The following SLC7A9 variants were observed in gnomAD, a reference collection of about 807,000 sequenced individuals.
SLC7A9 encodes solute carrier family 7 member 9.
SLC7A9 carries 38 observed loss-of-function variants against 54.1 expected under a neutral mutation model. The observed-to-expected ratio is 0.70, with a 90% CI of 0.54 to 0.92. SLC7A9 has a LOEUF of 0.92. Among genes scored for constraint, SLC7A9 ranks in the 40% least tolerant of loss-of-function variants. The probability of loss-of-function intolerance (pLI) is 0.00; values close to 1 mark genes in which losing one functional copy is unlikely to be tolerated. For missense variants in SLC7A9, 537 were observed against 636.1 expected (o/e 0.84, Z 1.68); for synonymous variants, 264 against 258.9 (o/e 1.02, Z -0.19).
At chr19:32,853,077 A>G (rs553411209) in intron 9 of SLC7A9, among the ~76,000 whole-genome samples, 74 of 152,014 alleles carry the variant, frequency 4.9e-4, no homozygotes, top group African/African-American at 1.7e-3. Flanking sequence ...CGTCCGGCTA[A>G]TTTTTGTACT....
Position 32,846,094 on chromosome 19 carries a change from C to T in SLC7A9, c.978-2143G>A, listed in dbSNP as rs113604277. Among the ~76,000 whole-genome samples the T allele has an allele frequency of 2.8e-4, 42 of 152,326 alleles. 1 individual carries two copies. The highest frequency in any genetic ancestry group is 9.1e-4 in the African/African-American group (38 of 41,578). ...GGTCTACAGCTCCCAGCGTGAGCAA[C>T]GCAGAAGACGGGTGATTTCTGCATT... On this transcript the variant is annotated intron_variant, in intron 9 of 12. Transcript: ENST00000023064.
rs780872025 is a variant in SLC7A9 at position 32,862,216 on chromosome 19, T to G, written c.606A>C (p.Gly202=). ...AAGAATTATCAAAATTCTTTGTGTT[T>G]CCTGTAATGAAGCCAGACAGTGAAC... ...IISGLVLLAQ[G]NTKNFDNSFE... The change falls in exon 6 of 13, where the codon GGA becomes GGC. Residue 202 remains glycine (G), a splice_region_variant and synonymous_variant. Coordinates refer to ENST00000023064, the MANE Select transcript of SLC7A9 (RefSeq NM_014270.5). 17 of 1,612,536 alleles carry G rather than the reference T, an allele frequency of 1.1e-5. No individual in the cohort carries two copies. The highest frequency in any genetic ancestry group is 1.7e-5 in the Admixed American group (1 of 59,994).
Position 32,859,086 on chromosome 19 carries a change from C to T in SLC7A9, c.874-543G>A, listed in dbSNP as rs558115017. On this transcript the variant is annotated intron_variant, in intron 8 of 12. Coordinates refer to ENST00000023064, the MANE Select transcript of SLC7A9 (RefSeq NM_014270.5). ...ACAGGCATGAGCCACCATGCCTGGC[C>T]AAATCTTTATTTTTTAATTTGATTT... Among the ~76,000 whole-genome samples the T allele has an allele frequency of 8.7e-4, 131 of 150,130 alleles. 1 individual carries two copies. The highest frequency in any genetic ancestry group is 7.5e-3 in the Middle Eastern group (2 of 266).
At chr19:32,838,492 CAT>C (rs1224745991) in intron 11 of SLC7A9, among the ~76,000 whole-genome samples, 1 of 147,636 alleles carries the variant, frequency 6.8e-6, no homozygotes, top group African/African-American at 2.5e-5. Context: ...ACAATCTATA[CAT>C]ATATAATAGG....
intron 11 of SLC7A9, 25 bp from the exon 12 acceptor site, chr19:32,833,348 G>A (rs1371394489): frequency 3.7e-6 from 6 of 1,612,884 alleles, no homozygotes; most frequent in East Asian, 2.2e-5. Context: ...CAGGTCATGG[G>A]TACCCATTTT....
intron 4 of SLC7A9, among the ~76,000 whole-genome samples, chr19:32,863,495 G>A (rs11668595): frequency 0.097 from 14,794 of 152,058 alleles, 884 homozygotes; most frequent in Middle Eastern, 0.17. Context: ...ACGTAGCTGG[G>A]ACGCCAGGTG....
chr19:32,851,608 T>G (rs1334721775), intron 9 of SLC7A9, among the ~76,000 whole-genome samples: 5 of 151,952 alleles, frequency 3.3e-5, no homozygotes, highest in African/African-American at 1.2e-4. Flanking sequence ...TGGAAGTCAG[T>G]GTGGCGATTC....
In SLC7A9 at chr19:32,868,604, A is replaced by G; in HGVS notation, c.-70T>C. 5.9e-6 allele frequency: 8 copies of G among 1,351,360 alleles called. No individual in the cohort carries two copies. Among genetic ancestry groups the G allele is most frequent in the South Asian group, 4.7e-5 (4 of 85,228 alleles). 83.7% of individuals were successfully genotyped at this position (1,351,360 alleles called of 1,614,324 possible). A position where few individuals can be genotyped will look rare whatever the true frequency, so the allele number is the denominator to read the frequency against. On this transcript the variant is annotated 5_prime_UTR_variant, in exon 2 of 13. Coordinates refer to ENST00000023064, the MANE Select transcript of SLC7A9 (RefSeq NM_014270.5). ...CTAAATCTTGGTTCAGCAGCAGCAGACAAGACGCAAGTGCAAGCTCGGCCT... is the reference window on the plus strand; with the variant it reads ...CTAAATCTTGGTTCAGCAGCAGCAGGCAAGACGCAAGTGCAAGCTCGGCCT...
At position 32,838,732 on chromosome 19, in the gene SLC7A9, AAC is replaced by A. The variant is rs201877157; in HGVS notation, c.1224+3434_1224+3435del. Among the ~76,000 whole-genome samples, 875 of 148,216 alleles carry A rather than the reference AAC, an allele frequency of 5.9e-3. 10 individuals carry two copies. The highest frequency in any genetic ancestry group is 0.02 in the African/African-American group (824 of 40,764). ...TATATGTATATGTATTTGTATGTATAACAGACATGTAATGATACACATATACA... is the reference window on the plus strand; with the variant it reads ...TATATGTATATGTATTTGTATGTATAAGACATGTAATGATACACATATACA... On this transcript the variant is annotated intron_variant, in intron 11 of 12. Coordinates refer to ENST00000023064, the MANE Select transcript of SLC7A9 (RefSeq NM_014270.5).
At chr19:32,835,878 G>A (rs1259865454) in intron 11 of SLC7A9, among the ~76,000 whole-genome samples, 6 of 150,278 alleles carry the variant, frequency 4.0e-5, no homozygotes, top group African/African-American at 1.5e-4. Context: ...CTATTTCTAG[G>A]AATTTATGTA....
At chr19:32,858,787 T>TA (rs1968708364) in intron 8 of SLC7A9, among the ~76,000 whole-genome samples, 1 of 151,774 alleles carries the variant, frequency 6.6e-6, no homozygotes, top group Non-Finnish European at 1.5e-5. Flanking sequence ...TTTATTTATT[T>TA]ATTTATTTAT....
chr19:32,843,565 G>C (rs1328302989), intron 10 of SLC7A9, among the ~76,000 whole-genome samples: 1 of 152,158 alleles, frequency 6.6e-6, no homozygotes, highest in Admixed American at 6.5e-5. Flanking sequence ...AAAATGTCTT[G>C]CTCTCCTTCC....
At chr19:32,864,063 T>C (rs752756890) in intron 4 of SLC7A9, 33 bp downstream of exon 4, 23 of 1,613,234 alleles carry the variant, frequency 1.4e-5, no homozygotes, top group South Asian at 4.4e-5. Flanking sequence ...TGCCAGGTCT[T>C]TTCTGACCCC....
At chr19:32,853,705 C>T (rs1309174754) in intron 9 of SLC7A9, among the ~76,000 whole-genome samples, 1 of 151,880 alleles carries the variant, frequency 6.6e-6, no homozygotes, top group South Asian at 2.1e-4. Flanking sequence ...TCACTTGAGG[C>T]CAGGAGTTTA....
At chr19:32,857,145 A>G (rs532789576) in intron 9 of SLC7A9, among the ~76,000 whole-genome samples, 4 of 151,506 alleles carry the variant, frequency 2.6e-5, no homozygotes, top group African/African-American at 7.3e-5. Context: ...GCAAGACTCC[A>G]TCTCAAAAAT....
chr19:32,862,088 C>T, intron 6 of SLC7A9, 30 bp downstream of exon 6: 1 of 1,488,394 alleles, frequency 6.7e-7, no homozygotes. Context: ...CCACCCACCC[C>T]CAGACTCGGG....
Position 32,847,083 on chromosome 19 carries a change from G to GA in SLC7A9, c.978-3133dup, listed in dbSNP as rs1176293380. Reference sequence around the variant, plus strand: ...AAAGTAGATAAACCACAAAGATGGGGAAAAAACAGAGCAGAAAAACTGGAA... The same window carrying GA: ...AAAGTAGATAAACCACAAAGATGGGGAAAAAAACAGAGCAGAAAAACTGGAA... On this transcript the variant is annotated intron_variant, in intron 9 of 12. Coordinates refer to ENST00000023064, the MANE Select transcript of SLC7A9 (RefSeq NM_014270.5). Among the ~76,000 whole-genome samples the GA allele has an allele frequency of 2.6e-5, 4 of 152,158 alleles. No individual in the cohort carries two copies. The East Asian group carries it at 7.7e-4, about 29-fold the overall frequency.
rs1246307152 is a variant in SLC7A9, at chr19:32,864,153, A to G, written c.421T>C (p.Tyr141His). 1.2e-6 allele frequency: 2 copies of G among 1,614,206 alleles called. No individual in the cohort carries two copies. The highest frequency in any genetic ancestry group is 1.1e-5 in the South Asian group (1 of 91,084). Reference sequence around the variant, plus strand: ...ATTTGAGGAGGCTTGCAGCCCACATAGAAGGGCGCACACACATACTCGGAG... The same window carrying G: ...ATTTGAGGAGGCTTGCAGCCCACATGGAAGGGCGCACACACATACTCGGAG... ...SFSEYVCAPFYVGCKPPQIVV... is the reference protein window; with the variant it reads ...SFSEYVCAPFHVGCKPPQIVV... Residue 141 changes from tyrosine to histidine, a missense_variant, in exon 4 of 13, where the codon TAT becomes CAT. Coordinates refer to ENST00000023064, the MANE Select transcript of SLC7A9 (RefSeq NM_014270.5).
chr19:32,834,726 G>A (rs1967906873), intron 11 of SLC7A9, among the ~76,000 whole-genome samples: 1 of 152,150 alleles, frequency 6.6e-6, no homozygotes, highest in African/African-American at 2.4e-5. Context: ...ACAAAGTTAA[G>A]TTTGCTGGGA....
Sources: allele counts gnomAD v4.1 joint callset (sites outside exome capture counted in the v4.1 genomes callset), GRCh38; gene constraint gnomAD v4.1.1; transcripts MANE v1.5; gene names NCBI Gene and HGNC (gene_info 2026-07-23, HGNC 2026-07-21).